The following TAS1R1 variants were observed in gnomAD, a reference collection of about 807,000 sequenced individuals.
TAS1R1 encodes taste receptor type 1 member 1.
A neutral mutation model predicts 45.8 loss-of-function variants in TAS1R1; 31 were observed. The ratio of observed to expected loss-of-function variants is 0.68; its 90% CI spans 0.51 to 0.91. The LOEUF is 0.91. Ranked by LOEUF, TAS1R1 falls within the 40% of genes least tolerant of loss-of-function variation. TAS1R1 has a pLI of 0.00. For missense variants in TAS1R1, 1,051 were observed against 1,063.9 expected (o/e 0.99, Z 0.17); for synonymous variants, 437 against 448.4 (o/e 0.97, Z 0.32).
At chr1:6,575,841 C>T (rs1214332396) in intron 3 of TAS1R1, among the ~76,000 whole-genome samples, 4 of 152,118 alleles carry the variant, frequency 2.6e-5, no homozygotes, top group Middle Eastern at 3.4e-3. Flanking sequence ...TACGGGCGCC[C>T]GCCACCACGC....
chr1:6,576,749 C>G (rs573994711), intron 4 of TAS1R1, 122 bp downstream of exon 4: 7 of 1,379,542 alleles, frequency 5.1e-6, no homozygotes, highest in South Asian at 3.9e-5. Context: ...TGCCACCACT[C>G]TACCCATCCT....
At chr1:6,566,562 T>G (rs958409111) in intron 1 of TAS1R1, among the ~76,000 whole-genome samples, 1 of 151,818 alleles carries the variant, frequency 6.6e-6, no homozygotes, top group Non-Finnish European at 1.5e-5. Flanking sequence ...ACCCTTTTGG[T>G]GGGTTAGAGA....
intron 1 of TAS1R1, among the ~76,000 whole-genome samples, chr1:6,568,005 CTCTA>C (rs1280081525): frequency 6.6e-6 from 1 of 152,116 alleles, no homozygotes; most frequent in East Asian, 1.9e-4. Context: ...TCTCTTTAGG[CTCTA>C]TCTAATTTAC....
At chr1:6,571,702 C>A (rs1170598128) in intron 2 of TAS1R1, among the ~76,000 whole-genome samples, 3 of 152,148 alleles carry the variant, frequency 2.0e-5, no homozygotes, top group Admixed American at 2.0e-4. Context: ...TGCCTGTAAT[C>A]CCAGCTACTT....
In TAS1R1 at chr1:6,579,690, G is replaced by A. The variant is rs911869132; in HGVS notation, c.*106G>A. On this transcript the variant is annotated 3_prime_UTR_variant, in exon 6 of 6. Transcript: ENST00000333172. ...TCTTTGGGCATCGCGGTCTGGGGTTGGGACGTGTAAGCGCCTGGGAGAGCC... is the reference window on the plus strand; with the variant it reads ...TCTTTGGGCATCGCGGTCTGGGGTTAGGACGTGTAAGCGCCTGGGAGAGCC... 1 of 1,459,608 alleles carries A rather than the reference G, an allele frequency of 6.9e-7. No homozygotes were observed. Among genetic ancestry groups the A allele is most frequent in the Admixed American group, 2.5e-5 (1 of 39,552 alleles). The allele number at this position is 1,459,608 out of a possible 1,614,324, so 90.4% of individuals were successfully genotyped here.
rs780705991 is a variant in TAS1R1 at position 6,574,864 on chromosome 1, C to A, written c.732C>A (p.Ile244=). Residue 244 remains isoleucine (I), a synonymous_variant, in exon 3 of 6, where the codon ATC becomes ATA. Coordinates refer to ENST00000333172, the MANE Select transcript of TAS1R1 (RefSeq NM_138697.4). The surrounding 1 kb of genome is among the most constrained non-coding windows in gnomAD (Gnocchi z 4.3). The part of the protein sequence containing the change: ...GQGICIAFKD[I]MPFSAQVGDE... ...GGATCTGCATTGCTTTCAAGGACAT[C>A]ATGCCCTTCTCTGCCCAGGTGGGCG... The A allele has an allele frequency of 5.0e-6, 8 of 1,614,156 alleles. No homozygotes were observed. The East Asian group carries it at 1.8e-4, about 36-fold the overall frequency.
In TAS1R1 at chr1:6,579,493, G is replaced by A; in HGVS notation, c.2435G>A (p.Cys812Tyr). The A allele has an allele frequency of 6.2e-7, 1 of 1,613,998 alleles. No homozygotes were observed. Among genetic ancestry groups the A allele is most frequent in the Non-Finnish European group, 8.5e-7 (1 of 1,180,052 alleles). The change falls in exon 6 of 6, where the codon TGC becomes TAC. Residue 812 changes from cysteine to tyrosine, a missense_variant. Transcript: ENST00000333172. ...TTCGGTGGGTATTTTCTGCCTAAGT[G>A]CTACGTGATCCTCTGCCGCCCAGAC... ...SGFGGYFLPK[C>Y]YVILCRPDLN...
At chr1:6,558,866 G>A (rs1225354127) in intron 1 of TAS1R1, among the ~76,000 whole-genome samples, 1 of 139,568 alleles carries the variant, frequency 7.2e-6, no homozygotes, top group African/African-American at 2.6e-5. Context: ...TCACAGACAT[G>A]TGCCAGCATG....
In TAS1R1 at chr1:6,577,066, G is replaced by A. The variant is rs1381348122; in HGVS notation, c.1590G>A (p.Lys530=). Residue 530 remains lysine, a synonymous_variant, in exon 5 of 6, where the codon AAG becomes AAA. Coordinates refer to ENST00000333172, the MANE Select transcript of TAS1R1 (RefSeq NM_138697.4). ...GTGGGGCTGGGACCTTCCTCAACAA[G>A]AGTGGTGAGTGGGCAATGGAGCAGG... ...VPCGAGTFLN[K]SDLYRCQPCG... The A allele has an allele frequency of 6.2e-7, 1 of 1,614,078 alleles. No individual in the cohort carries two copies. Among genetic ancestry groups the A allele is most frequent in the Non-Finnish European group, 8.5e-7 (1 of 1,180,006 alleles).
intron 1 of TAS1R1, among the ~76,000 whole-genome samples, chr1:6,555,866 C>CCTTTTTTTTTTTTTTTTTTTTTTTTTTT (rs1553185410): frequency 2.1e-5 from 2 of 95,304 alleles, no homozygotes. Context: ...TTTCCCTCTT[C>CCTTTTTTTTTTTTTTTTTTTTTTTTTTT]TTTTTTTTTT....
intron 5 of TAS1R1, among the ~76,000 whole-genome samples, chr1:6,577,677 A>G (rs1640218076): frequency 6.6e-6 from 1 of 150,582 alleles, no homozygotes; most frequent in Non-Finnish European, 1.5e-5. Context: ...ATACAAAAAA[A>G]GTTAGCCGGG....
rs150486578 is a variant in TAS1R1 at position 6,562,960 on chromosome 1, C to T, written c.191+7396C>T. ...TGCAGGGATAATTGGAGAGGCTCCT[C>T]GTGTTTTATTCTCCCACTGGAGCAA... On this transcript the variant is annotated intron_variant, in intron 1 of 5. Transcript: ENST00000333172. Among the ~76,000 whole-genome samples the T allele has an allele frequency of 9.7e-3, 1,483 of 152,234 alleles. 23 individuals carry two copies. Among genetic ancestry groups the T allele is most frequent in the African/African-American group, 0.033 (1,356 of 41,532 alleles).
In TAS1R1 at chr1:6,575,234, C is replaced by G. The variant is rs61745724; in HGVS notation, c.1102C>G (p.Gln368Glu). The G allele has an allele frequency of 4.2e-4, 677 of 1,613,586 alleles. 1 individual carries two copies. In the African/African-American group the frequency reaches 7.9e-3, roughly 19 times the overall value. ...CSSNQLCRECQAFMAHTMPKL... is the reference protein window; with the variant it reads ...CSSNQLCRECEAFMAHTMPKL... ...CAGCAATCAGCTCTGCAGAGAATGC[C>G]AAGCTTTCATGGCACACACGATGCC... The change falls in exon 3 of 6, where the codon CAA (glutamine) becomes GAA (glutamate). Residue 368 changes from glutamine (Q) to glutamate (E), a missense_variant. Coordinates refer to ENST00000333172, the MANE Select transcript of TAS1R1 (RefSeq NM_138697.4).
At chr1:6,556,941 G>A (rs1418097507) in intron 1 of TAS1R1, among the ~76,000 whole-genome samples, 2 of 150,306 alleles carry the variant, frequency 1.3e-5, no homozygotes. Flanking sequence ...ACCCGGAGGT[G>A]GAGGTTGCAG....
intron 2 of TAS1R1, among the ~76,000 whole-genome samples, chr1:6,571,715 G>A (rs1640022409): frequency 6.6e-6 from 1 of 152,188 alleles, no homozygotes; most frequent in Non-Finnish European, 1.5e-5. Context: ...AGCTACTTGG[G>A]AGGCTGAGAC....
Position 6,558,036 on chromosome 1 carries a change from G to GTTTTT in TAS1R1, c.191+2473_191+2477dup, listed in dbSNP as rs779773064. Among the ~76,000 whole-genome samples the GTTTTT allele has an allele frequency of 4.3e-4, 61 of 140,820 alleles. 4 individuals are homozygous for GTTTTT. Among genetic ancestry groups the GTTTTT allele is most frequent in the African/African-American group, 1.2e-3 (41 of 35,422 alleles). 92.4% of individuals were successfully genotyped at this position (140,820 alleles called of 152,430 possible). On this transcript the variant is annotated intron_variant, in intron 1 of 5. Transcript: ENST00000333172. ...CAAGGTTAAGCAGGTGTAGTGGTTAGTTTTTGTTTTTGTTTTTGTTTTTTT... is the reference window on the plus strand; with the variant it reads ...CAAGGTTAAGCAGGTGTAGTGGTTAGTTTTTTTTTTGTTTTTGTTTTTGTTTTTTT...
intron 1 of TAS1R1, among the ~76,000 whole-genome samples, chr1:6,555,866 C>CCTTTTTTTTTTTTTTTTTTTTTTTTT (rs1553185410): frequency 1.0e-5 from 1 of 95,304 alleles, no homozygotes; most frequent in Non-Finnish European, 2.0e-5. Flanking sequence ...TTTCCCTCTT[C>CCTTTTTTTTTTTTTTTTTTTTTTTTT]TTTTTTTTTT....
chr1:6,573,829 A>AT (rs1640085590), intron 2 of TAS1R1, among the ~76,000 whole-genome samples: 2 of 151,540 alleles, frequency 1.3e-5, no homozygotes, highest in African/African-American at 2.4e-5. Flanking sequence ...TGCCCGGCTA[A>AT]TTTTTTTGTA....
chr1:6,557,613 T>G (rs928401535), intron 1 of TAS1R1, among the ~76,000 whole-genome samples: 9 of 152,118 alleles, frequency 5.9e-5, no homozygotes, highest in Admixed American at 5.2e-4. Flanking sequence ...TTTTTTAATT[T>G]TTTGTTGAGA....
Sources: allele counts gnomAD v4.1 joint callset (sites outside exome capture counted in the v4.1 genomes callset), GRCh38; gene constraint gnomAD v4.1.1; non-coding constraint Gnocchi (gnomAD v3.1); transcripts MANE v1.5; gene names NCBI Gene and HGNC (gene_info 2026-07-23, HGNC 2026-07-21).